PDE3A: variants seen among roughly 807,000 people sequenced by gnomAD.
The protein encoded by PDE3A is phosphodiesterase 3A.
A neutral mutation model predicts 98.3 loss-of-function variants in PDE3A; 43 were observed. That is an observed-to-expected ratio of 0.44 (90% CI 0.34 to 0.56). PDE3A has a LOEUF of 0.56. Among genes scored for constraint, PDE3A ranks in the 20% least tolerant of loss-of-function variants. The probability of loss-of-function intolerance (pLI) is 0.01; values close to 1 mark genes in which losing one functional copy is unlikely to be tolerated. For synonymous variants in PDE3A, 663 were observed against 567.9 expected (o/e 1.17, Z -2.38); for missense variants, 1,427 against 1,440.7 (o/e 0.99, Z 0.15).
intron 1 of PDE3A, among the ~76,000 whole-genome samples, chr12:20,464,011 C>T (rs1048550906): frequency 6.6e-6 from 1 of 152,076 alleles, no homozygotes; most frequent in African/African-American, 2.4e-5. Context: ...AAAAGCAGAA[C>T]CTTTAATATT....
At position 20,646,905 on chromosome 12, in the gene PDE3A, T is replaced by C. The variant is rs1944788856; in HGVS notation, c.2520T>C (p.His840=). The part of the protein sequence containing the change: ...YVAAAMHDYD[H]PGRTNAFLVA... ...CTGCAGCCATGCACGATTATGATCA[T>C]CCAGGAAGGACTAATGCTTTCCTGG... Residue 840 remains histidine, a synonymous_variant, in exon 12 of 16, where the codon CAT becomes CAC. Coordinates refer to ENST00000359062, the MANE Select transcript of PDE3A (RefSeq NM_000921.5). 10 of 1,614,100 alleles carry C rather than the reference T, an allele frequency of 6.2e-6. No homozygotes were observed. Among genetic ancestry groups the C allele is most frequent in the Non-Finnish European group, 7.6e-6 (9 of 1,179,966 alleles).
intron 1 of PDE3A, among the ~76,000 whole-genome samples, chr12:20,536,848 C>A (rs1186047979): frequency 6.6e-6 from 1 of 151,986 alleles, no homozygotes; most frequent in Non-Finnish European, 1.5e-5. Flanking sequence ...CTGCTATTAA[C>A]ATTTGTGTTC....
intron 1 of PDE3A, among the ~76,000 whole-genome samples, chr12:20,531,671 GA>G (rs911562257): frequency 2.3e-4 from 34 of 150,982 alleles, no homozygotes; most frequent in Non-Finnish European, 2.8e-4. Flanking sequence ...TATTCTGTTG[GA>G]AAAAAAAATT....
At chr12:20,610,688 G>C (rs1211873195) in intron 2 of PDE3A, among the ~76,000 whole-genome samples, 1 of 151,880 alleles carries the variant, frequency 6.6e-6, no homozygotes, top group African/African-American at 2.4e-5. Context: ...ACATACAATG[G>C]AATAGCATTC....
chr12:20,465,990 C>T lies in PDE3A; in HGVS notation c.961-90670C>T, dbSNP rs374079252. On this transcript the variant is annotated intron_variant, in intron 1 of 15. Coordinates refer to ENST00000359062, the MANE Select transcript of PDE3A (RefSeq NM_000921.5). ...GTTTCAATGGAAGTGGTGCAGAGCC[C>T]GTTGCCTAGTGTGAAGAGCCAATGA... is the stretch of plus-strand genomic sequence containing the variant. 4.4e-4 allele frequency among the ~76,000 whole-genome samples: 67 copies of T among 152,236 alleles called. No homozygotes were observed. In the South Asian group the frequency reaches 0.013, roughly 30 times the overall value.
chr12:20,394,642 T>C (rs1049955885), intron 1 of PDE3A, among the ~76,000 whole-genome samples: 3 of 152,092 alleles, frequency 2.0e-5, no homozygotes, highest in African/African-American at 7.2e-5. Flanking sequence ...AATTTTACAA[T>C]TATAATCTCC....
At chr12:20,564,080 G>C (rs1023462376) in intron 2 of PDE3A, among the ~76,000 whole-genome samples, 1 of 152,046 alleles carries the variant, frequency 6.6e-6, no homozygotes, top group Non-Finnish European at 1.5e-5. Flanking sequence ...CAAGAGGATG[G>C]GGAGACATTT....
In PDE3A at chr12:20,467,933, CAAAAAAAAAAAAAAAAAAAAAAAAAAAA is replaced by C. The variant is rs60320142; in HGVS notation, c.961-88707_961-88680del. On this transcript the variant is annotated intron_variant, in intron 1 of 15. Coordinates refer to ENST00000359062, the MANE Select transcript of PDE3A (RefSeq NM_000921.5). ...CTGGCGACAGAGCGAGACTCCTTCT[CAAAAAAAAAAAAAAAAAAAAAAAAAAAA>C]AAAAAAAAAAAAAAAAAAAGAGTTG... is the stretch of plus-strand genomic sequence containing the variant. 3.0e-3 allele frequency among the ~76,000 whole-genome samples: 106 copies of C among 35,694 alleles called. 1 individual carries two copies. The highest frequency in any genetic ancestry group is 9.6e-3 in the African/African-American group (92 of 9,538). The allele number at this position is 35,694 out of a possible 152,430, so 23.4% of individuals were successfully genotyped here.
chr12:20,408,836 G>T (rs1444632), intron 1 of PDE3A, among the ~76,000 whole-genome samples: 94,889 of 152,104 alleles, frequency 0.62, 31,221 homozygotes, highest in East Asian at 0.88. Context: ...ATTAAGCTCT[G>T]TGACAACATT....
intron 15 of PDE3A, among the ~76,000 whole-genome samples, chr12:20,677,525 T>C (rs897914446): frequency 3.3e-5 from 5 of 152,122 alleles, no homozygotes; most frequent in Non-Finnish European, 5.9e-5. Flanking sequence ...AGTGGCACCA[T>C]CTTGGCTTAC....
At chr12:20,396,958 G>T (rs556333816) in intron 1 of PDE3A, among the ~76,000 whole-genome samples, 3 of 152,150 alleles carry the variant, frequency 2.0e-5, no homozygotes, top group African/African-American at 7.2e-5. Context: ...TATTAACTCT[G>T]TGGCTTTAGG....
chr12:20,434,036 A>G (rs1404648181), intron 1 of PDE3A, among the ~76,000 whole-genome samples: 1 of 152,188 alleles, frequency 6.6e-6, no homozygotes. Context: ...CCTCAGACTC[A>G]GTGTTTCTGA....
chr12:20,387,392 C>T lies in PDE3A; in HGVS notation c.960+17148C>T, dbSNP rs551296215. On this transcript the variant is annotated intron_variant, in intron 1 of 15. Transcript: ENST00000359062. ...TATGGCCAGTTTCACAATATTGATT[C>T]TCCCTATCTATGAGCATAGAATGTT... Among the ~76,000 whole-genome samples the T allele has an allele frequency of 4.9e-4, 75 of 152,112 alleles. 1 individual carries two copies. The highest frequency in any genetic ancestry group is 1.8e-3 in the Admixed American group (28 of 15,244).
intron 15 of PDE3A, among the ~76,000 whole-genome samples, chr12:20,665,718 T>C (rs370539980): frequency 3.9e-4 from 59 of 152,300 alleles, no homozygotes; most frequent in African/African-American, 1.4e-3. Flanking sequence ...ATTCTTCGTC[T>C]ACACTTGATT....
intron 1 of PDE3A, among the ~76,000 whole-genome samples, chr12:20,389,696 A>T: frequency 6.6e-6 from 1 of 151,998 alleles, no homozygotes; most frequent in Non-Finnish European, 1.5e-5. Flanking sequence ...ACAAATGATT[A>T]TACTGCCAAG....
chr12:20,642,979 C>T (rs1944679216), intron 10 of PDE3A, among the ~76,000 whole-genome samples: 1 of 152,072 alleles, frequency 6.6e-6, no homozygotes, highest in South Asian at 2.1e-4. Context: ...TCCAACCCTC[C>T]ATACCAGCTC....
intron 15 of PDE3A, among the ~76,000 whole-genome samples, chr12:20,667,264 G>T (rs1452284176): frequency 6.6e-6 from 1 of 152,032 alleles, no homozygotes; most frequent in African/African-American, 2.4e-5. Flanking sequence ...CTATACAGAA[G>T]GTTTTCGTTT....
chr12:20,458,936 G>A (rs1314456151), intron 1 of PDE3A, among the ~76,000 whole-genome samples: 1 of 152,142 alleles, frequency 6.6e-6, no homozygotes, highest in Non-Finnish European at 1.5e-5. Context: ...TAAACCTTAA[G>A]AAGGCACAGA....
chr12:20,575,957 C>T, intron 2 of PDE3A, among the ~76,000 whole-genome samples: 1 of 151,766 alleles, frequency 6.6e-6, no homozygotes, highest in East Asian at 1.9e-4. Context: ...AGAACTTACA[C>T]CTAAAACCTA....
Sources: allele counts gnomAD v4.1 joint callset (sites outside exome capture counted in the v4.1 genomes callset), GRCh38; gene constraint gnomAD v4.1.1; transcripts MANE v1.5; gene names NCBI Gene and HGNC (gene_info 2026-07-23, HGNC 2026-07-21).